Variants in CTNS observed in about 807,000 individuals in gnomAD.
CTNS encodes the protein cystinosin.
A neutral mutation model predicts 43.7 loss-of-function variants in CTNS; 27 were observed. The ratio of observed to expected loss-of-function variants is 0.62; its 90% CI spans 0.46 to 0.85. The LOEUF is 0.85. Ranked by LOEUF, CTNS falls within the 40% of genes least tolerant of loss-of-function variation. The pLI, the probability that CTNS is intolerant of heterozygous loss-of-function variation, is 0.00. For synonymous variants in CTNS, 187 were observed against 190.6 expected, an observed-to-expected ratio of 0.98 and a Z score of 0.16; for missense variants, 457 against 475.4, an observed-to-expected ratio of 0.96 and a Z score of 0.36.
At chr17:3,649,187 G>A (rs551314546) in intron 5 of CTNS, among the ~76,000 whole-genome samples, 1 of 152,268 alleles carries the variant, frequency 6.6e-6, no homozygotes, top group Admixed American at 6.5e-5. Flanking sequence ...GGTGGCTCAC[G>A]CCTGTAATCC....
chr17:3,637,892 G>T lies in CTNS; in HGVS notation c.-20+576G>T, dbSNP rs1026384837. On this transcript the variant is annotated intron_variant, in intron 2 of 11. Transcript: ENST00000046640. ...GTCGCATAAGTAATAAATAGGTCAAGCCTGTCTCCAGTGCACACAGCCCTT... is the reference window on the plus strand; with the variant it reads ...GTCGCATAAGTAATAAATAGGTCAATCCTGTCTCCAGTGCACACAGCCCTT... 7.2e-5 allele frequency among the ~76,000 whole-genome samples: 11 copies of T among 152,274 alleles called. 1 individual carries two copies. The highest frequency in any genetic ancestry group is 2.1e-4 in the South Asian group (1 of 4,824).
At position 3,637,989 on chromosome 17, in the gene CTNS, C is replaced by A. The variant is rs148717033; in HGVS notation, c.-20+673C>A. On this transcript the variant is annotated intron_variant, in intron 2 of 11. Coordinates refer to ENST00000046640, the MANE Select transcript of CTNS (RefSeq NM_004937.3). Reference sequence around the variant, plus strand: ...CCAGGTCGTAGAACAGAGGACAGGACCAACTCATACCTGGCAGACAGGAGC... The same window carrying A: ...CCAGGTCGTAGAACAGAGGACAGGAACAACTCATACCTGGCAGACAGGAGC... Among the ~76,000 whole-genome samples the A allele has an allele frequency of 4.2e-3, 632 of 152,280 alleles. 4 individuals are homozygous for A. The highest frequency in any genetic ancestry group is 0.019 in the South Asian group (90 of 4,828).
At chr17:3,641,230 C>T (rs898509902) in intron 3 of CTNS, among the ~76,000 whole-genome samples, 6 of 151,472 alleles carry the variant, frequency 4.0e-5, no homozygotes, top group African/African-American at 1.5e-4. Context: ...GCCCTTCTAG[C>T]AATTCTCCCA....
chr17:3,659,355 C>T (rs1367629286), intron 10 of CTNS, among the ~76,000 whole-genome samples: 1 of 152,204 alleles, frequency 6.6e-6, no homozygotes, highest in Non-Finnish European at 1.5e-5. Flanking sequence ...TAACCCCGCT[C>T]TACAGACGGG....
intron 7 of CTNS, chr17:3,655,846 C>T (rs558408710): frequency 9.0e-4 from 229 of 254,642 alleles, no homozygotes; most frequent in African/African-American, 4.5e-3. Context: ...CCTGACTCCC[C>T]TCTGGAGCCA....
In CTNS at chr17:3,660,324, C is replaced by T. The variant is rs377078015; in HGVS notation, c.1059C>T (p.His353=). 3.1e-6 allele frequency: 5 copies of T among 1,614,146 alleles called. No homozygotes were observed. The highest frequency in any genetic ancestry group is 2.7e-5 in the African/African-American group (2 of 74,956). The part of the protein sequence containing the change: ...IVFDVVFFIQ[H]FCLYRKRPGY... ...TCGACGTCGTCTTCTTCATCCAGCA[C>T]TTCTGTTTGTACAGAAAGAGACCGG... is the stretch of plus-strand genomic sequence containing the variant. Residue 353 remains histidine, a synonymous_variant, in exon 12 of 12, where the codon CAC becomes CAT. Transcript: ENST00000046640.
intron 3 of CTNS, among the ~76,000 whole-genome samples, chr17:3,644,217 A>T (rs765306759): frequency 7.2e-5 from 11 of 152,136 alleles, no homozygotes; most frequent in Non-Finnish European, 1.5e-4. Context: ...CTTCACCATG[A>T]CTCATTCAGA....
intron 6 of CTNS, 44 bp downstream of exon 6, chr17:3,655,145 G>A (rs1367069265): frequency 2.0e-5 from 33 of 1,613,860 alleles, no homozygotes; most frequent in Non-Finnish European, 2.5e-5. Flanking sequence ...GACAAGAAGG[G>A]GGCCGTGCTG....
At position 3,662,355 on chromosome 17, in the gene CTNS, G is replaced by C. The variant is rs1358766378; in HGVS notation, c.*1986G>C. ...TTGACTTTTCTTTAAAATCTGATTTGGCAGTGCTAGGTAGGTCCAGGAGTG... is the reference window on the plus strand; with the variant it reads ...TTGACTTTTCTTTAAAATCTGATTTCGCAGTGCTAGGTAGGTCCAGGAGTG... On this transcript the variant is annotated 3_prime_UTR_variant, in exon 12 of 12. Transcript: ENST00000046640. 6.6e-6 allele frequency among the ~76,000 whole-genome samples: 1 copy of C among 152,006 alleles called. No individual in the cohort carries two copies. Among genetic ancestry groups the C allele is most frequent in the Non-Finnish European group, 1.5e-5 (1 of 68,006 alleles).
chr17:3,656,842 C>T (rs1195572881), intron 9 of CTNS, 47 bp downstream of exon 9: 1 of 1,610,836 alleles, frequency 6.2e-7, no homozygotes, highest in Admixed American at 1.7e-5. Context: ...CCAACACCCG[C>T]CACCCCACCT....
At chr17:3,654,201 A>G (rs486474) in intron 5 of CTNS, among the ~76,000 whole-genome samples, 56,036 of 152,064 alleles carry the variant, frequency 0.37, 11,781 homozygotes, top group Non-Finnish European at 0.47. Flanking sequence ...CCTGTCATTC[A>G]TGGCAGCCCT....
Position 3,655,239 on chromosome 17 carries a change from T to C in CTNS, c.348T>C (p.Leu116=), listed in dbSNP as rs573123707. ...TTTCCAGCCCGAGGATACGCTTTCT[T>C]GTGATCCGCAGCAGCGCCATTAGCA... is the stretch of plus-strand genomic sequence containing the variant. The part of the protein sequence containing the change: ...SNQTGPRIRF[L]VIRSSAISII... The change falls in exon 7 of 12, where the codon CTT becomes CTC. Residue 116 remains leucine (L), a synonymous_variant. Coordinates refer to ENST00000046640, the MANE Select transcript of CTNS (RefSeq NM_004937.3). 1.9e-6 allele frequency: 3 copies of C among 1,614,162 alleles called. No individual in the cohort carries two copies. The highest frequency in any genetic ancestry group is 2.7e-5 in the African/African-American group (2 of 75,042).
rs2075693647 is a variant in CTNS, at chr17:3,641,374, ATATATATATATTTTT to A, written c.61+1109_61+1123del. Among the ~76,000 whole-genome samples the A allele has an allele frequency of 1.9e-4, 7 of 37,424 alleles. No individual in the cohort carries two copies. The South Asian group carries it at 2.9e-3, about 16-fold the overall frequency. The allele number at this position is 37,424 out of a possible 152,430, so 24.6% of individuals were successfully genotyped here. A position where few individuals can be genotyped will look rare whatever the true frequency, so the allele number is the denominator to read the frequency against. On this transcript the variant is annotated intron_variant, in intron 3 of 11. Transcript: ENST00000046640. ...AAATCAGATACATATATATATATATATATATATATATTTTTTTTTTTTTTTTTTTTTTTTTGAGAC... is the reference window on the plus strand; with the variant it reads ...AAATCAGATACATATATATATATATATTTTTTTTTTTTTTTTTTTTGAGAC...
At chr17:3,646,803 C>G (rs2075853646) in intron 3 of CTNS, among the ~76,000 whole-genome samples, 2 of 152,176 alleles carry the variant, frequency 1.3e-5, no homozygotes, top group East Asian at 3.9e-4. Context: ...GCCTGTTTGT[C>G]AACTTGATTC....
intron 10 of CTNS, 98 bp from the exon 11 acceptor site, chr17:3,659,760 T>G: frequency 1.6e-5 from 14 of 860,710 alleles, no homozygotes; most frequent in Non-Finnish European, 2.0e-5. Flanking sequence ...GTGGGAGGAA[T>G]GAGAACCGCT....
rs2076286878 is a variant in CTNS, at chr17:3,662,158, A to G, written c.*1789A>G. Among the ~76,000 whole-genome samples, 1 of 152,110 alleles carries G rather than the reference A, an allele frequency of 6.6e-6. No individual in the cohort carries two copies. The highest frequency in any genetic ancestry group is 2.4e-5 in the African/African-American group (1 of 41,424). On this transcript the variant is annotated 3_prime_UTR_variant, in exon 12 of 12. Transcript: ENST00000046640. ...AAACCCCATCTCTACTAAAGATACA[A>G]AAATTAGCTGGGCATGGTGGCGGGC... is the stretch of plus-strand genomic sequence containing the variant.
intron 5 of CTNS, among the ~76,000 whole-genome samples, chr17:3,653,511 G>A (rs966032034): frequency 1.3e-5 from 2 of 152,176 alleles, no homozygotes; most frequent in African/African-American, 2.4e-5. Flanking sequence ...CACAGAAGCT[G>A]GGGACCAGGG....
rs1194962259 is a variant in CTNS at position 3,656,668 on chromosome 17, C to T, written c.562-8C>T. ...CTCACCACCCAGCTTCTCCCACCCA[C>T]CAAACAGGAGCAGTTTCTCCTCAAA... On this transcript the variant is annotated splice_region_variant and splice_polypyrimidine_tract_variant and intron_variant, in intron 8 of 11. Transcript: ENST00000046640. 2.5e-6 allele frequency: 4 copies of T among 1,613,138 alleles called. No individual in the cohort carries two copies. Among genetic ancestry groups the T allele is most frequent in the Non-Finnish European group, 3.4e-6 (4 of 1,179,896 alleles).
At position 3,655,161 on chromosome 17, in the gene CTNS, G is replaced by A. The variant is rs926441163; in HGVS notation, c.329+60G>A. On this transcript the variant is annotated intron_variant, in intron 6 of 11. Coordinates refer to ENST00000046640, the MANE Select transcript of CTNS (RefSeq NM_004937.3). ...ACAAGAAGGGGGCCGTGCTGGGCAC[G>A]TGGGAGTCTCCTTCAGAAGCCCAGC... The A allele has an allele frequency of 1.9e-5, 31 of 1,613,996 alleles. No individual in the cohort carries two copies. In the African/African-American group the frequency reaches 2.5e-4, roughly 13 times the overall value.
Sources: gnomAD v4.1 joint callset for allele counts (sites outside exome capture counted in the v4.1 genomes callset) on GRCh38, gnomAD v4.1.1 for gene constraint, MANE v1.5 for transcripts, NCBI Gene and HGNC (gene_info 2026-07-23, HGNC 2026-07-21) for gene names.